ARHGAP5: variants seen among roughly 807,000 people sequenced by gnomAD.
The protein encoded by ARHGAP5 is Rho GTPase activating protein 5.
In ARHGAP5, 23 loss-of-function variants were observed where a neutral mutation model predicts 116.6. That is an observed-to-expected ratio of 0.20 (90% CI 0.14 to 0.28). ARHGAP5 has a LOEUF of 0.28. ARHGAP5 is among the 10% of genes least tolerant of loss of function. The pLI is 1.00. For missense variants in ARHGAP5, 1,405 were observed against 1,774.8 expected (o/e 0.79, Z 3.74); for synonymous variants, 574 against 602.0 (o/e 0.95, Z 0.68).
At chr14:32,126,425 TTC>T (rs1478471064) in intron 3 of ARHGAP5, among the ~76,000 whole-genome samples, 1 of 152,204 alleles carries the variant, frequency 6.6e-6, no homozygotes, top group East Asian at 1.9e-4. Context: ...GCCTTTGGCA[TTC>T]TCCATGTGCG....
At chr14:32,118,730 G>T (rs1157665130) in intron 3 of ARHGAP5, among the ~76,000 whole-genome samples, 1 of 152,006 alleles carries the variant, frequency 6.6e-6, no homozygotes, top group Non-Finnish European at 1.5e-5. Context: ...TAAAATATTA[G>T]CTTCCTGCTT....
At chr14:32,096,681 A>G (rs1459490896) in intron 2 of ARHGAP5, among the ~76,000 whole-genome samples, 1 of 152,210 alleles carries the variant, frequency 6.6e-6, no homozygotes, top group Non-Finnish European at 1.5e-5. Context: ...TAAATTTCCT[A>G]CCAAGGAAAT....
intron 3 of ARHGAP5, among the ~76,000 whole-genome samples, chr14:32,145,974 G>T (rs1190810487): frequency 2.0e-5 from 3 of 152,038 alleles, no homozygotes; most frequent in Non-Finnish European, 4.4e-5. Flanking sequence ...TGGAGACAGG[G>T]TCTTGCTCTG....
At chr14:32,105,270 A>G (rs1038685322) in intron 2 of ARHGAP5, among the ~76,000 whole-genome samples, 1 of 152,146 alleles carries the variant, frequency 6.6e-6, no homozygotes, top group Non-Finnish European at 1.5e-5. Flanking sequence ...TTTCAGGATT[A>G]TGTTAACTGT....
intron 2 of ARHGAP5, among the ~76,000 whole-genome samples, chr14:32,109,103 C>G (rs752527890): frequency 1.8e-4 from 28 of 152,064 alleles, no homozygotes; most frequent in Non-Finnish European, 3.4e-4. Context: ...TAATACTGCT[C>G]TTTTAAAATA....
At chr14:32,123,658 T>C (rs1272359990) in intron 3 of ARHGAP5, among the ~76,000 whole-genome samples, 1 of 152,176 alleles carries the variant, frequency 6.6e-6, no homozygotes, top group Admixed American at 6.5e-5. Context: ...TATTGGATGA[T>C]GTTATTAGTG....
chr14:32,157,269 C>T lies in ARHGAP5; in HGVS notation c.*2321C>T, dbSNP rs1220613944. ...TGTTTTTGCCAAGGGTTTAGATATG[C>T]TTTTAAATATTAGAAACATCTAAGA... On this transcript the variant is annotated 3_prime_UTR_variant, in exon 7 of 7. Coordinates refer to ENST00000345122, the MANE Select transcript of ARHGAP5 (RefSeq NM_001030055.2). 1 of 152,050 alleles carries T rather than the reference C, an allele frequency of 6.6e-6. No homozygotes were observed. Among genetic ancestry groups the T allele is most frequent in the East Asian group, 1.9e-4 (1 of 5,192 alleles). 9.4% of individuals were successfully genotyped at this position (152,050 alleles called of 1,614,324 possible). A position where few individuals can be genotyped will look rare whatever the true frequency, so the allele number is the denominator to read the frequency against.
At position 32,090,547 on chromosome 14, in the gene ARHGAP5, G is replaced by C. The variant is rs1878190963; in HGVS notation, c.-123G>C. On this transcript the variant is annotated 5_prime_UTR_variant, in exon 2 of 7. Transcript: ENST00000345122. Reference sequence around the variant, plus strand: ...TGAAGATGTTTCTGCACAGAAATGAGGGAAATACAAAGAACCAAATACAGT... The same window carrying C: ...TGAAGATGTTTCTGCACAGAAATGACGGAAATACAAAGAACCAAATACAGT... 1.2e-6 allele frequency: 1 copy of C among 840,886 alleles called. No individual in the cohort carries two copies. Among genetic ancestry groups the C allele is most frequent in the South Asian group, 1.9e-5 (1 of 53,466 alleles). The allele number at this position is 840,886 out of a possible 1,614,324, so 52.1% of individuals were successfully genotyped here.
chr14:32,110,328 CTT>C (rs559613072), intron 2 of ARHGAP5, among the ~76,000 whole-genome samples: 2 of 141,418 alleles, frequency 1.4e-5, no homozygotes, highest in Non-Finnish European at 1.6e-5. Flanking sequence ...ATTGCTTTTG[CTT>C]TTTTTTTTTT....
At chr14:32,108,599 G>A (rs1049415431) in intron 2 of ARHGAP5, among the ~76,000 whole-genome samples, 1 of 152,080 alleles carries the variant, frequency 6.6e-6, no homozygotes, top group African/African-American at 2.4e-5. Flanking sequence ...TAGGAAGGGA[G>A]AGGAAGGTAG....
intron 3 of ARHGAP5, among the ~76,000 whole-genome samples, chr14:32,127,726 T>C (rs895987430): frequency 8.6e-5 from 13 of 151,992 alleles, no homozygotes; most frequent in Non-Finnish European, 1.8e-4. Context: ...GCAGAGGGGC[T>C]CCTCACTTCC....
At chr14:32,112,113 G>A (rs973688870) in intron 2 of ARHGAP5, among the ~76,000 whole-genome samples, 24 of 151,896 alleles carry the variant, frequency 1.6e-4, no homozygotes, top group Non-Finnish European at 3.4e-4. Flanking sequence ...CACCACGCCT[G>A]GCCTCTTTGA....
Position 32,093,474 on chromosome 14 carries a change from T to C in ARHGAP5, c.2805T>C (p.Phe935=). ...AAACTGAGGTCTTTACTCTGTTTTT[T>C]AGTGATGTTCTAGAGAAAAAAAATA... ...HRQTEVFTLF[F]SDVLEKKNMI... is the part of the protein sequence containing the mutation. Residue 935 remains phenylalanine, a synonymous_variant, in exon 2 of 7, where the codon TTT becomes TTC. Transcript: ENST00000345122. 6.2e-7 allele frequency: 1 copy of C among 1,613,160 alleles called. No individual in the cohort carries two copies. The highest frequency in any genetic ancestry group is 8.5e-7 in the Non-Finnish European group (1 of 1,179,720).
intron 1 of ARHGAP5, among the ~76,000 whole-genome samples, chr14:32,079,717 G>A (rs2041753120): frequency 1.3e-5 from 2 of 152,068 alleles, no homozygotes; most frequent in African/African-American, 4.8e-5. Context: ...ATGAGTGTTG[G>A]CCTTTAGTGG....
chr14:32,124,811 CAG>C (rs1415983958), intron 3 of ARHGAP5, among the ~76,000 whole-genome samples: 2 of 152,078 alleles, frequency 1.3e-5, no homozygotes, highest in Non-Finnish European at 2.9e-5. Flanking sequence ...TGGTAATTGT[CAG>C]TGTCTAGATA....
intron 2 of ARHGAP5, among the ~76,000 whole-genome samples, chr14:32,105,207 A>G (rs1221729171): frequency 6.6e-6 from 1 of 152,158 alleles, no homozygotes; most frequent in African/African-American, 2.4e-5. Context: ...GGTTTTCCAT[A>G]TAGGTCATAG....
At chr14:32,121,508 A>G (rs980090976) in intron 3 of ARHGAP5, among the ~76,000 whole-genome samples, 1 of 152,172 alleles carries the variant, frequency 6.6e-6, no homozygotes, top group African/African-American at 2.4e-5. Context: ...ATGTTTTAAA[A>G]TCACCATACA....
intron 3 of ARHGAP5, among the ~76,000 whole-genome samples, chr14:32,119,894 A>G (rs532263420): frequency 4.6e-5 from 7 of 152,186 alleles, no homozygotes; most frequent in Non-Finnish European, 8.8e-5. Flanking sequence ...CTAAAATGTT[A>G]AGGATTTTTG....
chr14:32,098,825 C>T (rs1031248167), intron 2 of ARHGAP5, among the ~76,000 whole-genome samples: 7 of 152,186 alleles, frequency 4.6e-5, no homozygotes, highest in Non-Finnish European at 1.0e-4. Context: ...GAATGCAGAC[C>T]AGACTCTGAG....
Sources: allele counts gnomAD v4.1 joint callset (sites outside exome capture counted in the v4.1 genomes callset), GRCh38; gene constraint gnomAD v4.1.1; transcripts MANE v1.5; gene names NCBI Gene and HGNC (gene_info 2026-07-23, HGNC 2026-07-21).